The following ZNF385C variants were observed in gnomAD, a reference collection of about 807,000 sequenced individuals.
ZNF385C encodes CTD-2132N18.2.
A neutral mutation model predicts 35.4 loss-of-function variants in ZNF385C; 28 were observed. The observed-to-expected ratio is 0.79, with a 90% CI of 0.59 to 1.08. The LOEUF (loss-of-function observed/expected upper bound fraction) is 1.08. Ranked by LOEUF, ZNF385C falls within the 50% of genes least tolerant of loss-of-function variation. The pLI is 0.00. For missense variants in ZNF385C, 605 were observed against 595.6 expected (o/e 1.02, Z -0.16); for synonymous variants, 248 against 248.2 (o/e 1.00, Z 0.01).
At chr17:42,093,639 G>T (rs1387661942) in intron 1 of ZNF385C, among the ~76,000 whole-genome samples, 1 of 150,768 alleles carries the variant, frequency 6.6e-6, no homozygotes, top group African/African-American at 2.4e-5. Context: ...GGAGTGCAGT[G>T]GCACGATGTT....
At chr17:42,073,907 G>A (rs1052964241) in intron 1 of ZNF385C, among the ~76,000 whole-genome samples, 3 of 152,182 alleles carry the variant, frequency 2.0e-5, no homozygotes, top group African/African-American at 7.2e-5. Context: ...GGGAGCCTCA[G>A]GGATGCCTCA....
chr17:42,041,037 G>A (rs949461460), intron 2 of ZNF385C: 41 of 1,232,208 alleles, frequency 3.3e-5, no homozygotes, highest in South Asian at 4.1e-5. Flanking sequence ...AGGTGGTGGC[G>A]GGCTGGCCAT....
chr17:42,040,111 A>T, intron 2 of ZNF385C: 1 of 1,231,348 alleles, frequency 8.1e-7, no homozygotes, highest in Non-Finnish European at 1.0e-6. Context: ...CAGCACCCGC[A>T]GCGCCCCCTC....
chr17:42,062,780 T>C, intron 2 of ZNF385C, 27 bp downstream of exon 2: 1 of 511,514 alleles, frequency 2.0e-6, no homozygotes, highest in Non-Finnish European at 3.5e-6. Flanking sequence ...ACCAAATTTG[T>C]GGGAGCAGCG....
rs1367952508 is a variant in ZNF385C at position 42,034,225 on chromosome 17, C to A, written c.510G>T (p.Ala170=). Residue 170 remains alanine, a splice_region_variant and synonymous_variant, in exon 4 of 9, where the codon GCG becomes GCT. Coordinates refer to ENST00000692273, the MANE Select transcript of ZNF385C (RefSeq NM_001392013.1). ...ACCTGCTTTCACTACTTTGTCTCAC[C>A]GCTGAGTTGAACCTCAGGTGACAGA... The part of the protein sequence containing the change: ...CNICHLRFNS[A]NQAEAHYKGH... The A allele has an allele frequency of 1.9e-6, 3 of 1,549,892 alleles. No homozygotes were observed. The highest frequency in any genetic ancestry group is 2.0e-5 in the Admixed American group (1 of 50,972).
rs1308112894 is a variant in ZNF385C, at chr17:42,095,954, T to C, written c.-3+2456A>G. The stretch of plus-strand genomic sequence containing the variant: ...AATCAAGCCAGCAAACTGTGAAATA[T>C]GTTCTAACCTCTCACCCTGACAAAT... On this transcript the variant is annotated intron_variant, in intron 1 of 8. Transcript: ENST00000692273. This position sits in a 1 kb window ranked among gnomAD's most constrained non-coding sequence, Gnocchi z 4.4. Among the ~76,000 whole-genome samples the C allele has an allele frequency of 6.6e-6, 1 of 152,174 alleles. No homozygotes were observed. Among genetic ancestry groups the C allele is most frequent in the African/African-American group, 2.4e-5 (1 of 41,436 alleles).
At position 42,086,953 on chromosome 17, in the gene ZNF385C, C is replaced by T. The variant is rs374663849; in HGVS notation, c.-3+11457G>A. Among the ~76,000 whole-genome samples, 392 of 151,392 alleles carry T rather than the reference C, an allele frequency of 2.6e-3. 1 individual carries two copies. The highest frequency in any genetic ancestry group is 9.1e-3 in the African/African-American group (375 of 41,304). ...AAGCAATTCTCCTGCCTCAGCCTCC[C>T]AAGTAGCTGGGATTACACCACCACG... On this transcript the variant is annotated intron_variant, in intron 1 of 8. Coordinates refer to ENST00000692273, the MANE Select transcript of ZNF385C (RefSeq NM_001392013.1).
rs2143514023 is a variant in ZNF385C, at chr17:42,028,847, G to A, written c.903C>T (p.His301=). The A allele has an allele frequency of 1.9e-6, 3 of 1,550,598 alleles. No homozygotes were observed. The highest frequency in any genetic ancestry group is 1.4e-5 in the African/African-American group (1 of 73,172). Residue 301 remains histidine (H), a synonymous_variant, in exon 6 of 9, where the codon CAC becomes CAT. Coordinates refer to ENST00000692273, the MANE Select transcript of ZNF385C (RefSeq NM_001392013.1). ...MSGEGRSEKG[H]LYCPTCKVTV... ...TCACCTTACACGTGGGGCAGTAGAGGTGCCCCTTCTCACTCCTGCCTTCCC... is the reference window on the plus strand; with the variant it reads ...TCACCTTACACGTGGGGCAGTAGAGATGCCCCTTCTCACTCCTGCCTTCCC...
intron 1 of ZNF385C, among the ~76,000 whole-genome samples, chr17:42,096,426 G>C (rs966764390): frequency 2.6e-5 from 4 of 152,180 alleles, no homozygotes; most frequent in African/African-American, 9.7e-5. Flanking sequence ...ACTGGCAGCA[G>C]GAGGGCCAGA....
At chr17:42,075,736 C>T (rs1445992894) in intron 1 of ZNF385C, among the ~76,000 whole-genome samples, 4 of 152,168 alleles carry the variant, frequency 2.6e-5, no homozygotes, top group Non-Finnish European at 5.9e-5. Flanking sequence ...CCTCATGATC[C>T]ACCTGCCTTG....
At chr17:42,040,140 C>T in intron 2 of ZNF385C, 2 of 1,231,468 alleles carry the variant, frequency 1.6e-6, no homozygotes, top group Admixed American at 4.2e-5. Flanking sequence ...TGCCCAGCTC[C>T]TCCGGCGCCT....
At position 42,026,859 on chromosome 17, in the gene ZNF385C, T is replaced by C. The variant is rs2052589075; in HGVS notation, c.*38A>G. 10 of 1,544,520 alleles carry C rather than the reference T, an allele frequency of 6.5e-6. No individual in the cohort carries two copies. Among genetic ancestry groups the C allele is most frequent in the Non-Finnish European group, 8.8e-6 (10 of 1,137,608 alleles). On this transcript the variant is annotated 3_prime_UTR_variant, in exon 9 of 9. Transcript: ENST00000692273. The stretch of plus-strand genomic sequence containing the variant: ...TCTCAGGACAGGAGGAGACAAGGAG[T>C]GGCTATTGGGAAATCAGCTCTGGCC...
rs576475740 is a variant in ZNF385C, at chr17:42,060,209, C to T, written c.250+2598G>A. 1.3e-4 allele frequency among the ~76,000 whole-genome samples: 20 copies of T among 152,328 alleles called. No homozygotes were observed. In the East Asian group the frequency reaches 3.5e-3, roughly 26 times the overall value. ...AGCTAGAGGTGTCCGTGGCACCCCC[C>T]ACACACCCCACATCCCATTGGCCAC... is the stretch of plus-strand genomic sequence containing the variant. On this transcript the variant is annotated intron_variant, in intron 2 of 8. Coordinates refer to ENST00000692273, the MANE Select transcript of ZNF385C (RefSeq NM_001392013.1).
At chr17:42,075,391 G>T (rs1567994985) in intron 1 of ZNF385C, among the ~76,000 whole-genome samples, 22 of 151,916 alleles carry the variant, frequency 1.4e-4, no homozygotes, top group Admixed American at 1.3e-3. Context: ...CTGGTACCTT[G>T]CATGGTGACC....
intron 1 of ZNF385C, among the ~76,000 whole-genome samples, chr17:42,083,985 CCAGGATGGCAGGCGTGAGCCACCAT>C (rs1272124860): frequency 1.3e-5 from 2 of 152,008 alleles, no homozygotes; most frequent in Non-Finnish European, 2.9e-5. Flanking sequence ...TCCCAAAGTG[CCAGGATGGCAGGCGTGAGCCACCAT>C]ACCCAGCCAC....
chr17:42,026,571 T>TTAC lies in ZNF385C; in HGVS notation c.*325_*326insGTA. 2.6e-6 allele frequency: 1 copy of TTAC among 387,248 alleles called. No homozygotes were observed. Among genetic ancestry groups the TTAC allele is most frequent in the East Asian group, 6.2e-5 (1 of 16,042 alleles). 24.0% of individuals were successfully genotyped at this position (387,248 alleles called of 1,614,324 possible). A position where few individuals can be genotyped will look rare whatever the true frequency, so the allele number is the denominator to read the frequency against. On this transcript the variant is annotated 3_prime_UTR_variant, in exon 9 of 9. Transcript: ENST00000692273. ...AGAGGATGGCTTGTAGAAGCTAAGA[T>TTAC]TCCTAGAGTCTGGCCATGTGGGTCT...
chr17:42,028,182 C>G lies in ZNF385C; in HGVS notation c.1032G>C (p.Pro344=). Residue 344 remains proline, a synonymous_variant, in exon 7 of 9, where the codon CCG becomes CCC. Coordinates refer to ENST00000692273, the MANE Select transcript of ZNF385C (RefSeq NM_001392013.1). ...RGAPRRSRGR[P]VSRGGAGHKA... is the part of the protein sequence containing the mutation. ...TGTGTCCGGCACCTCCCCTGGACAC[C>G]GGGCGGCCCCGGCTCCTCCGGGGAG... 6.3e-7 allele frequency: 1 copy of G among 1,594,794 alleles called. No individual in the cohort carries two copies. The highest frequency in any genetic ancestry group is 2.2e-5 in the East Asian group (1 of 44,540).
chr17:42,067,429 T>A (rs2053564240), intron 1 of ZNF385C, among the ~76,000 whole-genome samples: 1 of 152,058 alleles, frequency 6.6e-6, no homozygotes, highest in Non-Finnish European at 1.5e-5. Flanking sequence ...AGGGTTTGGA[T>A]GTTGTGGCTG....
chr17:42,061,073 C>T (rs1382528409), intron 2 of ZNF385C, among the ~76,000 whole-genome samples: 1 of 152,162 alleles, frequency 6.6e-6, no homozygotes, highest in Non-Finnish European at 1.5e-5. Flanking sequence ...TTGGAACAAA[C>T]TCATCTGCAT....
Sources: allele counts gnomAD v4.1 joint callset (sites outside exome capture counted in the v4.1 genomes callset), GRCh38; gene constraint gnomAD v4.1.1; non-coding constraint Gnocchi (gnomAD v3.1); transcripts MANE v1.5; gene names NCBI Gene and HGNC (gene_info 2026-07-23, HGNC 2026-07-21).